The following DHX8 variants were observed in gnomAD, a reference collection of about 807,000 sequenced individuals.
DHX8 encodes ATP-dependent RNA helicase DHX8.
A neutral mutation model predicts 140.7 loss-of-function variants in DHX8; 67 were observed. The ratio of observed to expected loss-of-function variants is 0.48; its 90% CI spans 0.39 to 0.58. The LOEUF is 0.58. Ranked by LOEUF, DHX8 falls within the 20% of genes least tolerant of loss-of-function variation. The probability of loss-of-function intolerance (pLI) is 0.00; values close to 1 mark genes in which losing one functional copy is unlikely to be tolerated. For synonymous variants in DHX8, 533 were observed against 553.2 expected, an observed-to-expected ratio of 0.96 and a Z score of 0.51; for missense variants, 887 against 1,550.7, an observed-to-expected ratio of 0.57 and a Z score of 7.19.
Position 43,523,544 on chromosome 17 carries a change from C to A in DHX8, c.3444-84C>A, listed in dbSNP as rs946006296. On this transcript the variant is annotated intron_variant, in intron 22 of 22. Coordinates refer to ENST00000262415, the MANE Select transcript of DHX8 (RefSeq NM_004941.3). ...GAGGTAATAGTATAAAATGTAAGCT[C>A]AGCTGAGGCCTACTAGGGACCAGGT... is the stretch of plus-strand genomic sequence containing the variant. 5 of 1,568,582 alleles carry A rather than the reference C, an allele frequency of 3.2e-6. No homozygotes were observed. The African/African-American group carries it at 4.1e-5, about 13-fold the overall frequency.
intron 2 of DHX8, among the ~76,000 whole-genome samples, chr17:43,535,160 A>AG (rs2154587147): frequency 6.6e-6 from 1 of 152,364 alleles, no homozygotes; most frequent in African/African-American, 2.4e-5. Flanking sequence ...ACCGCAGTCC[A>AG]GTCAAATGCC....
At chr17:43,509,396 G>A (rs999845429) in intron 16 of DHX8, among the ~76,000 whole-genome samples, 1 of 152,112 alleles carries the variant, frequency 6.6e-6, no homozygotes, top group African/African-American at 2.4e-5. Flanking sequence ...CAGGAAAGGA[G>A]ACAGATGGAT....
In DHX8 at chr17:43,523,940, G is replaced by A. The variant is rs1970510735; in HGVS notation, c.*93G>A. 4 of 1,547,884 alleles carry A rather than the reference G, an allele frequency of 2.6e-6. No individual in the cohort carries two copies. ...GGTCCTGAGGATACAGCTGTCCCGT[G>A]ACTGACTGTCTTAACTGAGCATTTT... On this transcript the variant is annotated 3_prime_UTR_variant, in exon 23 of 23. Coordinates refer to ENST00000262415, the MANE Select transcript of DHX8 (RefSeq NM_004941.3).
Position 43,492,079 on chromosome 17 carries a change from C to A in DHX8, c.394-104C>A, listed in dbSNP as rs560273959. ...CAAGTTTGAAATCTCTGCCCCTCTT[C>A]TATTTCCCTCACATAGTGATTAGTG... On this transcript the variant is annotated intron_variant, in intron 4 of 22. Transcript: ENST00000262415. The A allele has an allele frequency of 5.2e-5, 40 of 773,596 alleles. 1 individual carries two copies. The highest frequency in any genetic ancestry group is 7.8e-5 in the Non-Finnish European group (35 of 446,694). The allele number at this position is 773,596 out of a possible 1,614,324, so 47.9% of individuals were successfully genotyped here.
At chr17:43,529,316 A>C, downstream of DHX8, 1 of 1,475,252 alleles carries the variant, frequency 6.8e-7, no homozygotes, top group South Asian at 1.1e-5. Context: ...AGAGCACTTG[A>C]GATTCTTGGT....
At chr17:43,492,069 T>C in intron 4 of DHX8, 114 bp from the exon 5 acceptor site, 1 of 718,728 alleles carries the variant, frequency 1.4e-6, no homozygotes, top group Admixed American at 2.4e-5. Context: ...TTGAAATCTC[T>C]GCCCCTCTTC....
At chr17:43,523,062 C>CAAAAAAAAAA in intron 22 of DHX8, among the ~76,000 whole-genome samples, 1 of 102,706 alleles carries the variant, frequency 9.7e-6, no homozygotes, top group East Asian at 2.7e-4. Context: ...GACTCCGTCC[C>CAAAAAAAAAA]AAAAAAAAAA....
chr17:43,523,532 A>G, intron 22 of DHX8, 96 bp from the exon 23 acceptor site: 2 of 1,548,082 alleles, frequency 1.3e-6, no homozygotes, highest in Non-Finnish European at 1.7e-6. Context: ...GTAATAGTAT[A>G]AAATGTAAGC....
In DHX8 at chr17:43,490,421, A is replaced by G. The variant is rs1051305261; in HGVS notation, c.265A>G (p.Ile89Val). ...TCTTATTAGTAACTTGCTGCGTCTC[A>G]TACAAACCATGCGGCCTCCAGCGAA... is the stretch of plus-strand genomic sequence containing the variant. The part of the protein sequence containing the change: ...DSLISNLLRL[I>V]QTMRPPAKPS... Residue 89 changes from isoleucine (I) to valine (V), a missense_variant, in exon 3 of 23, where the codon ATA becomes GTA. This residue lies in a region of DHX8 where 304 missense variants were observed against 306.9 expected (regional missense o/e 0.99). Coordinates refer to ENST00000262415, the MANE Select transcript of DHX8 (RefSeq NM_004941.3). 1.9e-5 allele frequency: 31 copies of G among 1,613,888 alleles called. No individual in the cohort carries two copies. Among genetic ancestry groups the G allele is most frequent in the Non-Finnish European group, 2.5e-5 (29 of 1,179,968 alleles).
In DHX8 at chr17:43,498,968, T is replaced by C. The variant is rs1459078815; in HGVS notation, c.1398+9T>C. On this transcript the variant is annotated intron_variant, in intron 10 of 22. Coordinates refer to ENST00000262415, the MANE Select transcript of DHX8 (RefSeq NM_004941.3). ...CCATTAAAATTGTCAAGGTGAGAAT[T>C]ACTGGACCTTTAACCTGGAAATGTC... The C allele has an allele frequency of 1.3e-6, 2 of 1,574,744 alleles. No homozygotes were observed. Among genetic ancestry groups the C allele is most frequent in the South Asian group, 2.3e-5 (2 of 85,122 alleles).
At position 43,532,881 on chromosome 17, in the gene DHX8, G is replaced by A. The variant is rs144213199; in HGVS notation, c.351-3531G>A. ...TGGTAGGGGGCTGGGAGGGGTTCCC[G>A]GCCCCCTCCCTGAGATGTGAAGGAG... On this transcript the variant is annotated intron_variant, in intron 2 of 3. Coordinates refer to the DHX8 transcript ENST00000589898. 1.2e-5 allele frequency: 19 copies of A among 1,606,760 alleles called. No individual in the cohort carries two copies. Among genetic ancestry groups the A allele is most frequent in the Non-Finnish European group, 1.6e-5 (19 of 1,175,514 alleles).
At chr17:43,536,474 C>A in exon 3 of DHX8, 1 of 1,614,206 alleles carries the variant, frequency 6.2e-7, no homozygotes. Flanking sequence ...CTGTCTGGTA[C>A]CTGAGCTGCA....
At chr17:43,495,626 G>A (rs1314802372) in intron 8 of DHX8, among the ~76,000 whole-genome samples, 1 of 152,184 alleles carries the variant, frequency 6.6e-6, no homozygotes, top group Non-Finnish European at 1.5e-5. Flanking sequence ...ACAAGGGAAA[G>A]AGCAGATAAC....
Position 43,524,790 on chromosome 17 carries a change from A to G in DHX8, c.*943A>G, listed in dbSNP as rs1234401307. 1.0e-6 allele frequency: 1 copy of G among 983,214 alleles called. No individual in the cohort carries two copies. Among genetic ancestry groups the G allele is most frequent in the Non-Finnish European group, 1.2e-6 (1 of 829,452 alleles). 60.9% of individuals were successfully genotyped at this position (983,214 alleles called of 1,614,324 possible). ...TTAACAAAGGGATTTTATGGTCAAA[A>G]CCTCCCTTTCCCCACTCCAAACAGA... On this transcript the variant is annotated 3_prime_UTR_variant, in exon 23 of 23. Transcript: ENST00000262415.
At chr17:43,512,083 T>G (rs1037360239) in intron 16 of DHX8, among the ~76,000 whole-genome samples, 1 of 151,914 alleles carries the variant, frequency 6.6e-6, no homozygotes, top group Non-Finnish European at 1.5e-5. Context: ...GACATATACC[T>G]AAGAGTAGAA....
intron 3 of DHX8, among the ~76,000 whole-genome samples, chr17:43,543,107 G>A (rs1423356094): frequency 1.3e-5 from 2 of 151,848 alleles, no homozygotes; most frequent in Non-Finnish European, 2.9e-5. Context: ...CTCAGACCTG[G>A]CCATCCATCA....
intron 1 of DHX8, 45 bp from the exon 2 acceptor site, chr17:43,489,404 C>G: frequency 7.5e-7 from 1 of 1,341,440 alleles, no homozygotes; most frequent in Non-Finnish European, 1.1e-6. Flanking sequence ...AAACTGATTT[C>G]TTGTTCATGT....
downstream of DHX8, chr17:43,530,490 G>T: frequency 2.4e-6 from 3 of 1,257,236 alleles, no homozygotes; most frequent in Non-Finnish European, 3.1e-6. Context: ...AGTTCAGGGG[G>T]AGGAGGGAGG....
At chr17:43,494,539 G>T (rs981477380) in intron 8 of DHX8, among the ~76,000 whole-genome samples, 5 of 151,806 alleles carry the variant, frequency 3.3e-5, no homozygotes, top group Admixed American at 3.3e-4. Flanking sequence ...GACCGGTATG[G>T]TGAAACCCCA....
Sources: allele counts gnomAD v4.1 joint callset (sites outside exome capture counted in the v4.1 genomes callset), GRCh38; gene constraint gnomAD v4.1.1; regional missense constraint gnomAD v4.1.1; transcripts MANE v1.5; gene names NCBI Gene and HGNC (gene_info 2026-07-23, HGNC 2026-07-21).